CORO2A: variants seen among roughly 807,000 people sequenced by gnomAD.
CORO2A encodes the protein coronin-2A.
In CORO2A, 47 loss-of-function variants were observed where a neutral mutation model predicts 62.4. That is an observed-to-expected ratio of 0.75 (90% CI 0.60 to 0.96). The LOEUF (loss-of-function observed/expected upper bound fraction) is 0.96, where lower values mean the gene tolerates loss of function less well. CORO2A is among the 40% of genes least tolerant of loss of function. The probability of loss-of-function intolerance (pLI) is 0.00; values close to 1 mark genes in which losing one functional copy is unlikely to be tolerated. For synonymous variants in CORO2A, 273 were observed against 268.9 expected, an observed-to-expected ratio of 1.02 and a Z score of -0.15; for missense variants, 610 against 684.1, an observed-to-expected ratio of 0.89 and a Z score of 1.21.
intron 11 of CORO2A, 115 bp downstream of exon 11, chr9:98,126,434 C>G (rs565748185): frequency 4.4e-5 from 61 of 1,377,474 alleles, no homozygotes; most frequent in Non-Finnish European, 6.0e-5. Context: ...CTAGGCCAGG[C>G]CACACAGCTG....
chr9:98,187,477 T>A (rs1284200953), intron 1 of CORO2A, among the ~76,000 whole-genome samples: 5 of 136,982 alleles, frequency 3.7e-5, no homozygotes, highest in Non-Finnish European at 6.3e-5. Flanking sequence ...AAAAAAAAAA[T>A]GTAGGTGCTT....
intron 1 of CORO2A, among the ~76,000 whole-genome samples, chr9:98,182,056 A>G (rs960498509): frequency 2.0e-5 from 3 of 150,366 alleles, no homozygotes; most frequent in Non-Finnish European, 1.5e-5. Flanking sequence ...CACATTCTCT[A>G]CTCTGCACGC....
chr9:98,129,249 C>T (rs1177037442), intron 8 of CORO2A, among the ~76,000 whole-genome samples: 1 of 152,192 alleles, frequency 6.6e-6, no homozygotes, highest in Non-Finnish European at 1.5e-5. Context: ...ATCTCCATCC[C>T]CACAGCTCCT....
chr9:98,186,370 G>A (rs892992715), intron 1 of CORO2A, among the ~76,000 whole-genome samples: 1 of 152,148 alleles, frequency 6.6e-6, no homozygotes, highest in Non-Finnish European at 1.5e-5. Context: ...AGCAGGGGAA[G>A]GTGATTAAGC....
chr9:98,126,477 T>C (rs1337660203), intron 11 of CORO2A, 72 bp downstream of exon 11: 5 of 1,541,896 alleles, frequency 3.2e-6, no homozygotes, highest in Non-Finnish European at 4.4e-6. Flanking sequence ...TTCTCCCTTC[T>C]TCTCAGCCTG....
chr9:98,171,716 C>T (rs562208195), intron 1 of CORO2A, among the ~76,000 whole-genome samples: 2 of 151,938 alleles, frequency 1.3e-5, no homozygotes, highest in African/African-American at 4.8e-5. Flanking sequence ...CTAGGTCATG[C>T]CTGTCTGTGG....
chr9:98,136,312 C>T (rs1464304599), intron 3 of CORO2A, among the ~76,000 whole-genome samples: 1 of 152,244 alleles, frequency 6.6e-6, no homozygotes, highest in Admixed American at 6.5e-5. Context: ...GGTGAAATCA[C>T]CTCGGCAGAC....
chr9:98,149,367 C>T (rs1423824941), intron 2 of CORO2A, among the ~76,000 whole-genome samples: 5 of 152,164 alleles, frequency 3.3e-5, no homozygotes. Flanking sequence ...TGTTGTAACA[C>T]TAAAGTATGA....
At chr9:98,132,152 G>C in intron 6 of CORO2A, 33 bp downstream of exon 6, 1 of 1,477,670 alleles carries the variant, frequency 6.8e-7, no homozygotes, top group Non-Finnish European at 9.5e-7. Flanking sequence ...CTCAGCTGAG[G>C]GGTGATGGTG....
intron 1 of CORO2A, 57 bp from the exon 2 acceptor site, chr9:98,157,717 C>T: frequency 6.7e-7 from 1 of 1,493,006 alleles, no homozygotes; most frequent in Non-Finnish European, 9.2e-7. Flanking sequence ...TCATGGGACA[C>T]ACAGAGCTCT....
chr9:98,154,228 T>C (rs73655202), intron 2 of CORO2A, among the ~76,000 whole-genome samples: 9,875 of 151,156 alleles, frequency 0.065, 925 homozygotes, highest in African/African-American at 0.21. Context: ...CTTTTTTATT[T>C]GTGGAAATGT....
At chr9:98,170,409 T>A (rs1828018117) in intron 1 of CORO2A, among the ~76,000 whole-genome samples, 1 of 152,218 alleles carries the variant, frequency 6.6e-6, no homozygotes, top group Non-Finnish European at 1.5e-5. Flanking sequence ...TCATAGCAGT[T>A]GTGCTGGTCA....
chr9:98,153,754 G>C (rs1564208946), intron 2 of CORO2A, among the ~76,000 whole-genome samples: 1 of 151,280 alleles, frequency 6.6e-6, no homozygotes, highest in Non-Finnish European at 1.5e-5. Flanking sequence ...AGGTTAATCA[G>C]GAATTAGTTC....
At chr9:98,128,573 C>T in intron 9 of CORO2A, 34 bp downstream of exon 9, 4 of 1,587,040 alleles carry the variant, frequency 2.5e-6, no homozygotes, top group Non-Finnish European at 3.5e-6. Flanking sequence ...ACAGGTTCCC[C>T]ACCTGCCTCC....
chr9:98,127,989 C>T (rs1373612621), intron 10 of CORO2A, among the ~76,000 whole-genome samples, 181 bp downstream of exon 10: 1 of 152,034 alleles, frequency 6.6e-6, no homozygotes, highest in Non-Finnish European at 1.5e-5. Flanking sequence ...TGGGTCAAGC[C>T]CCCTGACTTT....
chr9:98,180,919 G>A (rs10985337), intron 1 of CORO2A, among the ~76,000 whole-genome samples: 15,895 of 152,262 alleles, frequency 0.1, 1,028 homozygotes, highest in East Asian at 0.19. Flanking sequence ...CAGGGATGGT[G>A]TGGGGGCCAT....
In CORO2A at chr9:98,126,847, G is replaced by A. The variant is rs761354979; in HGVS notation, c.1172-24C>T. On this transcript the variant is annotated intron_variant, in intron 10 of 11. Coordinates refer to ENST00000375077, the MANE Select transcript of CORO2A (RefSeq NM_052820.4). ...GTCTGGAAGGGAAGCAGAGCCATGT[G>A]AGGACGGGGTGCCCACGGGAAGATG... 1.9e-6 allele frequency: 3 copies of A among 1,613,908 alleles called. No individual in the cohort carries two copies. In the South Asian group the frequency reaches 3.3e-5, roughly 18 times the overall value.
chr9:98,126,488 G>T lies in CORO2A; in HGVS notation c.1446+61C>A. 2 of 1,570,312 alleles carry T rather than the reference G, an allele frequency of 1.3e-6. 1 individual carries two copies. Among genetic ancestry groups the T allele is most frequent in the Non-Finnish European group, 1.7e-6 (2 of 1,153,746 alleles). On this transcript the variant is annotated intron_variant, in intron 11 of 11. Transcript: ENST00000375077. ...CATTTTCTCCCTTCTTCTCAGCCTG[G>T]ATCTGTTCCCCTCCACCCCAGCTGC...
chr9:98,156,039 C>T (rs1013926888), intron 2 of CORO2A, among the ~76,000 whole-genome samples: 12 of 131,286 alleles, frequency 9.1e-5, no homozygotes, highest in Non-Finnish European at 1.7e-4. Context: ...TTCTGCTGCT[C>T]TTTGTTTGAA....
Sources: gnomAD v4.1 joint callset for allele counts (sites outside exome capture counted in the v4.1 genomes callset) on GRCh38, gnomAD v4.1.1 for gene constraint, MANE v1.5 for transcripts, NCBI Gene and HGNC (gene_info 2026-07-23, HGNC 2026-07-21) for gene names.